Variants in TGS1 observed in about 807,000 individuals in gnomAD.
The protein encoded by TGS1 is trimethylguanosine synthase 1.
TGS1 carries 69 observed loss-of-function variants against 92.2 expected under a neutral mutation model. That is an observed-to-expected ratio of 0.75 (90% CI 0.62 to 0.91). The LOEUF (loss-of-function observed/expected upper bound fraction) is 0.91, where lower values mean the gene tolerates loss of function less well. TGS1 is among the 40% of genes least tolerant of loss of function. TGS1 has a pLI of 0.00. For missense variants in TGS1, 1,062 were observed against 1,001.2 expected, an observed-to-expected ratio of 1.06 and a Z score of -0.82; for synonymous variants, 345 against 338.1, an observed-to-expected ratio of 1.02 and a Z score of -0.22.
At chr8:55,784,860 C>G (rs1811663319) in intron 2 of TGS1, among the ~76,000 whole-genome samples, 1 of 152,222 alleles carries the variant, frequency 6.6e-6, no homozygotes, top group Non-Finnish European at 1.5e-5. Context: ...ACCAGGGTTA[C>G]ATGGCCTGTT....
intron 7 of TGS1, among the ~76,000 whole-genome samples, chr8:55,796,788 C>T (rs921874019): frequency 2.6e-5 from 4 of 151,710 alleles, no homozygotes; most frequent in Admixed American, 6.6e-5. Flanking sequence ...GTCAGGAGTT[C>T]GAGACCAGCC....
Position 55,796,144 on chromosome 8 carries a change from C to T in TGS1, c.1534C>T (p.Leu512=), listed in dbSNP as rs1200324754. ...EKPFFKKSKI[L]SKVEKFLTWV... ...ACCATTTTTCAAGAAAAGCAAAATT[C>T]TGAGTAAGGTATGTATAAATTTTGT... Residue 512 remains leucine (L), a synonymous_variant, in exon 7 of 13, where the codon CTG becomes TTG. Coordinates refer to ENST00000260129, the MANE Select transcript of TGS1 (RefSeq NM_024831.8). The T allele has an allele frequency of 6.2e-6, 10 of 1,606,692 alleles. No individual in the cohort carries two copies. Among genetic ancestry groups the T allele is most frequent in the Non-Finnish European group, 6.8e-6 (8 of 1,175,282 alleles).
At chr8:55,798,536 A>G (rs770100238) in intron 7 of TGS1, among the ~76,000 whole-genome samples, 20 of 152,226 alleles carry the variant, frequency 1.3e-4, no homozygotes, top group Non-Finnish European at 2.5e-4. Flanking sequence ...ATATAATTTG[A>G]AAAACTAAAA....
chr8:55,794,717 G>T (rs1811992623), intron 6 of TGS1, among the ~76,000 whole-genome samples: 1 of 152,250 alleles, frequency 6.6e-6, no homozygotes, highest in Admixed American at 6.5e-5. Context: ...ATGGGTAGTT[G>T]TGTTAGAACA....
intron 1 of TGS1, among the ~76,000 whole-genome samples, chr8:55,774,630 A>C (rs1365383167): frequency 6.6e-6 from 1 of 152,086 alleles, no homozygotes; most frequent in Non-Finnish European, 1.5e-5. Context: ...CTTGTATATC[A>C]AGTATGCTGG....
intron 1 of TGS1, among the ~76,000 whole-genome samples, chr8:55,774,687 A>G (rs1811332414): frequency 6.6e-6 from 1 of 152,160 alleles, no homozygotes; most frequent in African/African-American, 2.4e-5. Flanking sequence ...TATTGAGTTT[A>G]CTTCCTAGCA....
At position 55,787,018 on chromosome 8, in the gene TGS1, A is replaced by G. The variant is rs1350413414; in HGVS notation, c.1120A>G (p.Ser374Gly). 6.2e-7 allele frequency: 1 copy of G among 1,613,874 alleles called. No homozygotes were observed. Among genetic ancestry groups the G allele is most frequent in the Admixed American group, 1.7e-5 (1 of 59,946 alleles). Residue 374 changes from serine (S) to glycine (G), a missense_variant, in exon 4 of 13, where the codon AGC becomes GGC. Physicochemically the swap from Ser to Gly is moderately conservative, Grantham distance 56. Coordinates refer to ENST00000260129, the MANE Select transcript of TGS1 (RefSeq NM_024831.8). ...EPRNGGTNEE[S>G]NSSGNTNTDP... is the part of the protein sequence containing the mutation. The stretch of plus-strand genomic sequence containing the variant: ...ACGTAATGGAGGAACCAATGAGGAA[A>G]GCAACTCATCGGGGAATACAAACAC...
intron 12 of TGS1, among the ~76,000 whole-genome samples, chr8:55,823,686 A>G (rs1368029769): frequency 6.6e-6 from 1 of 152,138 alleles, no homozygotes; most frequent in East Asian, 1.9e-4. Context: ...TGAATGAATG[A>G]GAGAGAGGGT....
At chr8:55,814,965 C>T (rs989179743) in intron 12 of TGS1, among the ~76,000 whole-genome samples, 10 of 151,930 alleles carry the variant, frequency 6.6e-5, no homozygotes, top group Non-Finnish European at 1.5e-5. Context: ...TCTAGACTGC[C>T]AGATAAGGTT....
Position 55,802,952 on chromosome 8 carries a change from C to T in TGS1, c.1999+346C>T, listed in dbSNP as rs182856503. On this transcript the variant is annotated intron_variant, in intron 9 of 12. Transcript: ENST00000260129. ...TTTCATTAATTGTCCTAATCTTGTC[C>T]TTTATCACGTTTTTTTTTTCCTTCC... 6.0e-3 allele frequency among the ~76,000 whole-genome samples: 905 copies of T among 149,894 alleles called. 5 individuals carry two copies. The highest frequency in any genetic ancestry group is 0.021 in the African/African-American group (835 of 40,580).
chr8:55,806,356 C>CAA (rs1047234489), intron 10 of TGS1, among the ~76,000 whole-genome samples: 687 of 38,688 alleles, frequency 0.018, 22 homozygotes, highest in African/African-American at 0.052. Context: ...GACTCCACCT[C>CAA]AAAAAAAAAA....
Position 55,786,920 on chromosome 8 carries a change from G to T in TGS1, c.1022G>T (p.Ser341Ile). Residue 341 changes from serine (S) to isoleucine (I), a missense_variant, in exon 4 of 13, where the codon AGT (serine) becomes ATT (isoleucine). Transcript: ENST00000260129. ...CAGAGCCAATTAGATTCCTGTACAA[G>T]TCATGATGGTCATCAACAGCTAAGT... The part of the protein sequence containing the change: ...VTQSQLDSCT[S>I]HDGHQQLSEV... 1 of 1,614,144 alleles carries T rather than the reference G, an allele frequency of 6.2e-7. No individual in the cohort carries two copies.
chr8:55,821,498 G>A (rs1803632361), intron 12 of TGS1, among the ~76,000 whole-genome samples: 2 of 152,184 alleles, frequency 1.3e-5, no homozygotes, highest in South Asian at 4.2e-4. Flanking sequence ...ACAACCCTCT[G>A]AAAGGTATTA....
At position 55,824,852 on chromosome 8, in the gene TGS1, T is replaced by A; in HGVS notation, c.*149T>A. The A allele has an allele frequency of 1.3e-6, 1 of 775,980 alleles. No homozygotes were observed. The highest frequency in any genetic ancestry group is 2.0e-6 in the Non-Finnish European group (1 of 495,966). 48.1% of individuals were successfully genotyped at this position (775,980 alleles called of 1,614,324 possible). On this transcript the variant is annotated 3_prime_UTR_variant, in exon 13 of 13. Coordinates refer to ENST00000260129, the MANE Select transcript of TGS1 (RefSeq NM_024831.8). Reference sequence around the variant, plus strand: ...GAAACTTACAGGACTTAAATATCAGTGAAATATTTTGAGATCTTTGAATAA... The same window carrying A: ...GAAACTTACAGGACTTAAATATCAGAGAAATATTTTGAGATCTTTGAATAA...
At chr8:55,814,726 G>A (rs1433443485) in intron 12 of TGS1, among the ~76,000 whole-genome samples, 3 of 146,240 alleles carry the variant, frequency 2.1e-5, no homozygotes, top group African/African-American at 7.6e-5. Flanking sequence ...CAAATTAGCC[G>A]GGCATGGTGG....
At chr8:55,792,621 T>C (rs1418950344) in intron 5 of TGS1, 77 bp from the exon 6 acceptor site, 2 of 1,007,780 alleles carry the variant, frequency 2.0e-6, no homozygotes, top group Non-Finnish European at 3.1e-6. Flanking sequence ...GTCAATTATA[T>C]TGCCTTTTTT....
At chr8:55,814,316 G>A (rs556486767) in intron 12 of TGS1, among the ~76,000 whole-genome samples, 12 of 152,138 alleles carry the variant, frequency 7.9e-5, no homozygotes, top group South Asian at 2.1e-4. Flanking sequence ...TCTAGGATGA[G>A]GCCCGAAAGT....
intron 1 of TGS1, among the ~76,000 whole-genome samples, chr8:55,774,605 A>G (rs1811328596): frequency 6.6e-6 from 1 of 152,152 alleles, no homozygotes; most frequent in Non-Finnish European, 1.5e-5. Flanking sequence ...TCATTCAGAA[A>G]ATGTTTTTTG....
intron 10 of TGS1, among the ~76,000 whole-genome samples, chr8:55,807,981 T>C (rs1803224824): frequency 6.6e-6 from 1 of 152,230 alleles, no homozygotes; most frequent in Non-Finnish European, 1.5e-5. Flanking sequence ...AAGCGTAATA[T>C]GATTTTGGAA....
Sources: allele counts gnomAD v4.1 joint callset (sites outside exome capture counted in the v4.1 genomes callset), GRCh38; gene constraint gnomAD v4.1.1; transcripts MANE v1.5; gene names NCBI Gene and HGNC (gene_info 2026-07-23, HGNC 2026-07-21).